GPC3: variants seen among roughly 807,000 people sequenced by gnomAD.
The protein encoded by GPC3 is glypican-3.
In GPC3, 3 loss-of-function variants were observed where a neutral mutation model predicts 34.4. The ratio of observed to expected loss-of-function variants is 0.09; its 90% CI spans 0.04 to 0.23. The LOEUF (loss-of-function observed/expected upper bound fraction) is 0.23. Ranked by LOEUF, GPC3 falls within the 10% of genes least tolerant of loss-of-function variation. GPC3 has a pLI of 1.00. For synonymous variants in GPC3, 177 were observed against 174.0 expected (o/e 1.02, Z -0.13); for missense variants, 351 against 445.6 (o/e 0.79, Z 1.91).
intron 1 of GPC3, among the ~76,000 whole-genome samples, chrX:133,979,664 T>A (rs1309197229): frequency 6.3e-5 from 7 of 111,845 alleles, no homozygotes; most frequent in Non-Finnish European, 9.4e-5. Flanking sequence ...AACAGCATTC[T>A]CCCTGTCATT....
chrX:133,821,450 G>GC (rs1275538154), intron 2 of GPC3, among the ~76,000 whole-genome samples: 2 of 112,152 alleles, frequency 1.8e-5, no homozygotes, highest in Non-Finnish European at 3.8e-5. Flanking sequence ...CACATGAATA[G>GC]TTCTGTTCAA....
intron 5 of GPC3, among the ~76,000 whole-genome samples, chrX:133,673,979 C>T (rs768488346): frequency 9.8e-5 from 11 of 111,782 alleles, no homozygotes; most frequent in East Asian, 2.8e-4. Context: ...AATTCCAGCA[C>T]TTTGGGAGGC....
At chrX:133,582,282 C>T (rs1047971443) in intron 7 of GPC3, among the ~76,000 whole-genome samples, 3 of 111,867 alleles carry the variant, frequency 2.7e-5, no homozygotes, top group Non-Finnish European at 3.8e-5. Flanking sequence ...TTTGTAATGG[C>T]CATGTTTAAC....
intron 7 of GPC3, among the ~76,000 whole-genome samples, chrX:133,560,141 G>A (rs971959299): frequency 9.0e-5 from 10 of 111,555 alleles, no homozygotes; most frequent in Admixed American, 1.9e-4. Context: ...CCAATGGACC[G>A]CCTCACCCAT....
At chrX:133,658,495 A>ACAT (rs1183580444) in intron 6 of GPC3, among the ~76,000 whole-genome samples, 9 of 111,480 alleles carry the variant, frequency 8.1e-5, no homozygotes, top group Non-Finnish European at 1.3e-4. Flanking sequence ...ATCATCATCG[A>ACAT]CATCATCATC....
At chrX:133,784,851 T>TAACA (rs1235724413) in intron 2 of GPC3, among the ~76,000 whole-genome samples, 1 of 112,247 alleles carries the variant, frequency 8.9e-6, no homozygotes. Context: ...CTGTGTACAG[T>TAACA]AACAGTCACT....
intron 6 of GPC3, among the ~76,000 whole-genome samples, chrX:133,619,571 C>A (rs1603196395): frequency 9.0e-6 from 1 of 111,255 alleles, no homozygotes; most frequent in African/African-American, 3.3e-5. Flanking sequence ...CTAAGAAAGC[C>A]AGACATAAAA....
intron 6 of GPC3, among the ~76,000 whole-genome samples, chrX:133,645,235 C>T (rs920593028): frequency 4.5e-5 from 5 of 111,668 alleles, no homozygotes; most frequent in East Asian, 5.6e-4. Flanking sequence ...CTTCTCGGAC[C>T]GGATTCAACT....
chrX:133,581,605 C>T (rs1026521765), intron 7 of GPC3, among the ~76,000 whole-genome samples: 2 of 112,094 alleles, frequency 1.8e-5, no homozygotes, highest in Non-Finnish European at 3.8e-5. Flanking sequence ...TTTTATTTAG[C>T]CAATTAGTTC....
intron 2 of GPC3, among the ~76,000 whole-genome samples, chrX:133,902,412 T>G: frequency 8.9e-6 from 1 of 112,618 alleles, no homozygotes; most frequent in Non-Finnish European, 1.9e-5. Context: ...TTCTCATTTT[T>G]CTGATTATAA....
At chrX:133,836,467 T>G (rs939314194) in intron 2 of GPC3, among the ~76,000 whole-genome samples, 5 of 112,128 alleles carry the variant, frequency 4.5e-5, no homozygotes, top group Non-Finnish European at 9.4e-5. Flanking sequence ...TGGCCTGAGC[T>G]TCCAAATTCC....
At chrX:133,641,448 C>T (rs1168773808) in intron 6 of GPC3, among the ~76,000 whole-genome samples, 12 of 109,523 alleles carry the variant, frequency 1.1e-4, no homozygotes, top group African/African-American at 4.0e-4. Context: ...TGCACTCCAG[C>T]CTGGGTGACA....
chrX:133,720,597 T>C, intron 3 of GPC3, among the ~76,000 whole-genome samples: 1 of 111,992 alleles, frequency 8.9e-6, no homozygotes, highest in East Asian at 2.8e-4. Context: ...AATTGCCCAG[T>C]CTTGGGTATG....
chrX:133,560,089 C>G (rs1478989594), intron 7 of GPC3, among the ~76,000 whole-genome samples: 1 of 112,049 alleles, frequency 8.9e-6, no homozygotes, highest in Non-Finnish European at 1.9e-5. Flanking sequence ...CCGTCAGTGT[C>G]CTGTCACCCA....
At chrX:133,637,416 CAA>C (rs201591822) in intron 6 of GPC3, among the ~76,000 whole-genome samples, 1 of 98,112 alleles carries the variant, frequency 1.0e-5, no homozygotes. Flanking sequence ...GACTCCATCT[CAA>C]AAAAAAAAAT....
At chrX:133,815,706 T>C (rs915209200) in intron 2 of GPC3, among the ~76,000 whole-genome samples, 10 of 112,070 alleles carry the variant, frequency 8.9e-5, no homozygotes, top group African/African-American at 2.9e-4. Context: ...TGACATCCCA[T>C]AGGGAGAGAC....
chrX:133,597,312 A>G (rs1224779781), intron 6 of GPC3, among the ~76,000 whole-genome samples: 1 of 111,341 alleles, frequency 9.0e-6, no homozygotes, highest in Non-Finnish European at 1.9e-5. Flanking sequence ...AAGCCTCTCC[A>G]CTGACCCAGA....
chrX:133,574,749 T>C, intron 7 of GPC3, among the ~76,000 whole-genome samples: 1 of 112,394 alleles, frequency 8.9e-6, no homozygotes, highest in East Asian at 2.8e-4. Flanking sequence ...CAAATGAATT[T>C]AGTCATATCG....
intron 2 of GPC3, among the ~76,000 whole-genome samples, chrX:133,866,849 G>A (rs2075969854): frequency 9.0e-6 from 1 of 110,982 alleles, no homozygotes; most frequent in African/African-American, 3.3e-5. Context: ...ACCGTACAGA[G>A]AAAAGAACCA....
Sources: allele counts gnomAD v4.1 joint callset (sites outside exome capture counted in the v4.1 genomes callset), GRCh38; gene constraint gnomAD v4.1.1; transcripts MANE v1.5; gene names NCBI Gene and HGNC (gene_info 2026-07-23, HGNC 2026-07-21).